Variants in THSD4 observed in about 807,000 individuals in gnomAD.
The protein encoded by THSD4 is thrombospondin type 1 domain containing 4.
THSD4 carries 69 observed loss-of-function variants against 119.0 expected under a neutral mutation model. The observed-to-expected ratio is 0.58, with a 90% CI of 0.48 to 0.71. The LOEUF (loss-of-function observed/expected upper bound fraction) is 0.71, where lower values mean the gene tolerates loss of function less well. THSD4 is among the 30% of genes least tolerant of loss of function. The probability of loss-of-function intolerance (pLI) is 0.00; values close to 1 mark genes in which losing one functional copy is unlikely to be tolerated. For synonymous variants in THSD4, 524 were observed against 540.4 expected (o/e 0.97, Z 0.42); for missense variants, 1,393 against 1,391.1 (o/e 1.00, Z -0.02).
chr15:71,425,271 A>G (rs1255796104), intron 7 of THSD4, among the ~76,000 whole-genome samples: 1 of 152,230 alleles, frequency 6.6e-6, no homozygotes, highest in African/African-American at 2.4e-5. Context: ...GATGAAGTTA[A>G]TTGTACACAG....
At chr15:71,218,444 GC>G (rs1329383678) in intron 4 of THSD4, among the ~76,000 whole-genome samples, 2 of 152,240 alleles carry the variant, frequency 1.3e-5, no homozygotes, top group African/African-American at 4.8e-5. Flanking sequence ...TTGGCCACAG[GC>G]CTGTGCTGCA....
At chr15:71,629,871 G>C (rs1018847468) in intron 7 of THSD4, among the ~76,000 whole-genome samples, 6 of 152,058 alleles carry the variant, frequency 3.9e-5, no homozygotes, top group Non-Finnish European at 7.4e-5. Flanking sequence ...CTATTTCCTC[G>C]GGTTACTCTG....
intron 7 of THSD4, among the ~76,000 whole-genome samples, chr15:71,508,388 C>T (rs186444375): frequency 2.0e-5 from 3 of 152,332 alleles, no homozygotes; most frequent in Admixed American, 1.3e-4. Flanking sequence ...TCATTAAATG[C>T]AGAGGACTTC....
intron 6 of THSD4, among the ~76,000 whole-genome samples, chr15:71,314,518 G>C (rs1288919236): frequency 1.3e-5 from 2 of 152,082 alleles, no homozygotes; most frequent in African/African-American, 4.8e-5. Flanking sequence ...TGTTGGCCAG[G>C]CTGGTCTTGA....
intron 3 of THSD4, among the ~76,000 whole-genome samples, chr15:71,196,705 C>G (rs116685707): frequency 6.6e-6 from 1 of 152,120 alleles, no homozygotes; most frequent in Non-Finnish European, 1.5e-5. Flanking sequence ...GTCATATTCT[C>G]TGGCTTACAT....
At chr15:71,498,891 G>C in intron 7 of THSD4, among the ~76,000 whole-genome samples, 1 of 146,454 alleles carries the variant, frequency 6.8e-6, no homozygotes, top group African/African-American at 2.5e-5. Flanking sequence ...TTTTTGTAGA[G>C]ATGGGGTTTT....
At chr15:71,530,136 A>T (rs1287005315) in intron 7 of THSD4, among the ~76,000 whole-genome samples, 1 of 148,684 alleles carries the variant, frequency 6.7e-6, no homozygotes, top group Non-Finnish European at 1.5e-5. Context: ...GGGGGAAGAA[A>T]ATGAAACACC....
At chr15:71,596,365 G>A (rs965368954) in intron 7 of THSD4, among the ~76,000 whole-genome samples, 3 of 152,040 alleles carry the variant, frequency 2.0e-5, no homozygotes, top group Admixed American at 6.6e-5. Context: ...TTATCCAAAG[G>A]CCTTTTTTTT....
chr15:71,331,668 A>G lies in THSD4; in HGVS notation c.1015+74953A>G, dbSNP rs535498803. Among the ~76,000 whole-genome samples the G allele has an allele frequency of 3.9e-5, 6 of 152,322 alleles. No homozygotes were observed. The East Asian group carries it at 5.8e-4, about 15-fold the overall frequency. ...TCTTGGCCCACCACTAATGAGTTGT[A>G]GGACCTAGGGAAATGGAGAAAGGCA... On this transcript the variant is annotated intron_variant, in intron 6 of 17. Coordinates refer to ENST00000261862, the MANE Select transcript of THSD4 (RefSeq NM_024817.3).
intron 8 of THSD4, among the ~76,000 whole-genome samples, chr15:71,684,280 T>G (rs2051859917): frequency 6.6e-6 from 1 of 152,290 alleles, no homozygotes; most frequent in East Asian, 1.9e-4. Flanking sequence ...GAGTTGATTC[T>G]CATCGTTTTC....
At chr15:71,561,908 ACACACACACACAAACACT>A (rs1459694800) in intron 7 of THSD4, among the ~76,000 whole-genome samples, 1 of 36,892 alleles carries the variant, frequency 2.7e-5, no homozygotes, top group African/African-American at 1.4e-4. Flanking sequence ...ACACACACAC[ACACACACACACAAACACT>A]CACTCACTCT....
At chr15:71,452,552 A>G (rs2047280482) in intron 7 of THSD4, among the ~76,000 whole-genome samples, 1 of 151,658 alleles carries the variant, frequency 6.6e-6, no homozygotes, top group African/African-American at 2.4e-5. Context: ...TTCATATGTT[A>G]AAGCCCTAAC....
rs190926229 is a variant in THSD4 at position 71,623,225 on chromosome 15, C to T, written c.1153-37305C>T. Among the ~76,000 whole-genome samples, 120 of 152,180 alleles carry T rather than the reference C, an allele frequency of 7.9e-4. 1 individual carries two copies. The highest frequency in any genetic ancestry group is 2.1e-4 in the Non-Finnish European group (14 of 68,022). ...TCAAGGAGCAAAGTGATGATTAAGA[C>T]AATAACTAAGGTTACCAGAGTGGTG... On this transcript the variant is annotated intron_variant, in intron 7 of 17. Transcript: ENST00000261862.
chr15:71,774,310 C>CAAAAA (rs11448201), intron 17 of THSD4, among the ~76,000 whole-genome samples: 4 of 73,914 alleles, frequency 5.4e-5, no homozygotes, highest in African/African-American at 1.3e-4. Flanking sequence ...GACTCTGTCT[C>CAAAAA]AAAAAAAAAA....
intron 3 of THSD4, among the ~76,000 whole-genome samples, chr15:71,190,324 T>G (rs916742635): frequency 2.6e-5 from 4 of 152,220 alleles, no homozygotes; most frequent in Non-Finnish European, 5.9e-5. Context: ...GGGAACCCCC[T>G]GGGGAGTGGT....
At chr15:71,308,036 C>T (rs2045055895) in intron 6 of THSD4, among the ~76,000 whole-genome samples, 1 of 152,160 alleles carries the variant, frequency 6.6e-6, no homozygotes, top group South Asian at 2.1e-4. Flanking sequence ...GTCATAGAAG[C>T]ATGCAGCACC....
intron 1 of THSD4, among the ~76,000 whole-genome samples, chr15:71,133,159 G>T (rs2040519094): frequency 6.6e-6 from 1 of 152,212 alleles, no homozygotes; most frequent in Non-Finnish European, 1.5e-5. Context: ...GTCTGAGAGT[G>T]GAGGAAGGCT....
At chr15:71,400,808 G>A (rs564089586) in intron 6 of THSD4, among the ~76,000 whole-genome samples, 22 of 151,690 alleles carry the variant, frequency 1.5e-4, no homozygotes, top group African/African-American at 5.1e-4. Flanking sequence ...TTCTTGAACA[G>A]GGATATCGTA....
chr15:71,492,621 G>A (rs77875366), intron 7 of THSD4, among the ~76,000 whole-genome samples: 2,949 of 152,200 alleles, frequency 0.019, 110 homozygotes, highest in African/African-American at 0.067. Context: ...AAGCAAAACC[G>A]CTGAGGACCT....
Sources: allele counts gnomAD v4.1 joint callset (sites outside exome capture counted in the v4.1 genomes callset), GRCh38; gene constraint gnomAD v4.1.1; transcripts MANE v1.5; gene names NCBI Gene and HGNC (gene_info 2026-07-23, HGNC 2026-07-21).